Variants in FRAS1 observed in about 807,000 individuals in gnomAD.
The protein encoded by FRAS1 is Fraser extracellular matrix complex subunit 1, also known as extracellular matrix organizing protein FRAS1.
A neutral mutation model predicts 435.2 loss-of-function variants in FRAS1; 290 were observed. The ratio of observed to expected loss-of-function variants is 0.67; its 90% CI spans 0.61 to 0.73. The LOEUF (loss-of-function observed/expected upper bound fraction) is 0.73. Ranked by LOEUF, FRAS1 falls within the 30% of genes least tolerant of loss-of-function variation. The pLI, the probability that FRAS1 is intolerant of heterozygous loss-of-function variation, is 0.00. For missense variants in FRAS1, 4,860 were observed against 5,001.5 expected (o/e 0.97, Z 0.85); for synonymous variants, 1,800 against 1,851.0 (o/e 0.97, Z 0.71).
intron 18 of FRAS1, among the ~76,000 whole-genome samples, chr4:78,331,352 C>T (rs1276597951): frequency 1.3e-5 from 2 of 152,080 alleles, no homozygotes. Context: ...CTGGGAATCT[C>T]CTGGTATGGG....
At chr4:78,181,037 C>A in intron 2 of FRAS1, 1 of 1,583,576 alleles carries the variant, frequency 6.3e-7, no homozygotes, top group South Asian at 1.1e-5. Flanking sequence ...CCAGCTGAGA[C>A]GTTATATCAT....
chr4:78,278,851 A>G (rs1290315237), intron 10 of FRAS1, 107 bp downstream of exon 10: 1 of 713,204 alleles, frequency 1.4e-6, no homozygotes, highest in Non-Finnish European at 2.4e-6. Context: ...TGTTCAACAA[A>G]TGTTATTGTG....
chr4:78,475,747 C>T (rs945743802), intron 54 of FRAS1, 141 bp downstream of exon 54: 1 of 729,758 alleles, frequency 1.4e-6, no homozygotes, highest in African/African-American at 1.7e-5. Context: ...TTCCTATGTT[C>T]CCCTCCCATA....
intron 66 of FRAS1, among the ~76,000 whole-genome samples, chr4:78,518,349 TAA>T (rs1340371783): frequency 6.7e-6 from 1 of 150,204 alleles, no homozygotes. Flanking sequence ...AAGAAAAATA[TAA>T]GTCCCATAGT....
At chr4:78,479,796 A>G (rs930827049) in intron 56 of FRAS1, 78 bp downstream of exon 56, 5 of 1,142,424 alleles carry the variant, frequency 4.4e-6, no homozygotes, top group Non-Finnish European at 4.9e-6. Context: ...TAGGTTTCAG[A>G]ATATCCGGGA....
At chr4:78,092,972 A>C (rs1032980681) in intron 2 of FRAS1, among the ~76,000 whole-genome samples, 1 of 152,328 alleles carries the variant, frequency 6.6e-6, no homozygotes, top group South Asian at 2.1e-4. Context: ...TGATGGTTTG[A>C]GAAGGAAAAA....
chr4:78,448,922 G>T (rs1057270902), intron 44 of FRAS1, among the ~76,000 whole-genome samples: 2 of 152,256 alleles, frequency 1.3e-5, no homozygotes, highest in East Asian at 1.9e-4. Context: ...TTTGCCCAGG[G>T]TGTCTGCATC....
intron 17 of FRAS1, 57 bp downstream of exon 17, chr4:78,317,565 C>T: frequency 6.7e-7 from 1 of 1,500,736 alleles, no homozygotes; most frequent in Non-Finnish European, 9.0e-7. Flanking sequence ...CATAGATTTA[C>T]TTTTTTCCAA....
chr4:78,285,527 G>A (rs921429387), intron 13 of FRAS1, among the ~76,000 whole-genome samples: 1 of 150,924 alleles, frequency 6.6e-6, no homozygotes, highest in Non-Finnish European at 1.5e-5. Context: ...CACCTCCCGG[G>A]TTCAAGCGAT....
intron 2 of FRAS1, among the ~76,000 whole-genome samples, chr4:78,075,698 G>C (rs777170247): frequency 1.3e-5 from 2 of 152,160 alleles, no homozygotes; most frequent in Non-Finnish European, 2.9e-5. Context: ...AGATAAATGA[G>C]TAACATGTGA....
chr4:78,519,179 ATAAG>A (rs139681108), intron 66 of FRAS1, among the ~76,000 whole-genome samples, 148 bp from the exon 67 acceptor site: 21,149 of 152,036 alleles, frequency 0.14, 1,762 homozygotes, highest in Non-Finnish European at 0.2. Context: ...ATTTTTTTAA[ATAAG>A]TAAGTGCAAT....
chr4:78,503,172 A>G (rs1383992928), intron 61 of FRAS1, among the ~76,000 whole-genome samples: 1 of 151,472 alleles, frequency 6.6e-6, no homozygotes, highest in African/African-American at 2.4e-5. Context: ...TGGTCTAAAA[A>G]TCTCTTTTCT....
rs993196314 is a variant in FRAS1, at chr4:78,542,591, A to C, written c.*1467A>C. The C allele has an allele frequency of 6.5e-6, 1 of 152,682 alleles. No individual in the cohort carries two copies. Among genetic ancestry groups the C allele is most frequent in the African/African-American group, 2.4e-5 (1 of 41,482 alleles). 9.5% of individuals were successfully genotyped at this position (152,682 alleles called of 1,614,324 possible). A position where few individuals can be genotyped will look rare whatever the true frequency, so the allele number is the denominator to read the frequency against. On this transcript the variant is annotated 3_prime_UTR_variant, in exon 74 of 74. Coordinates refer to ENST00000512123, the MANE Select transcript of FRAS1 (RefSeq NM_025074.7). ...ACTCAAGCTCTTTGAGAACATTCCA[A>C]ACTAGTAACATTTCGCTACTAAAAG...
At chr4:78,148,338 T>G (rs908098966) in intron 2 of FRAS1, among the ~76,000 whole-genome samples, 1 of 152,154 alleles carries the variant, frequency 6.6e-6, no homozygotes, top group Non-Finnish European at 1.5e-5. Flanking sequence ...TATTAACTAT[T>G]GAAGCTTGAG....
intron 59 of FRAS1, among the ~76,000 whole-genome samples, chr4:78,489,968 C>CAAAAAAAAAAAAAAAAAAAAAAAAAA (rs61568957): frequency 6.5e-5 from 6 of 92,604 alleles, no homozygotes; most frequent in Non-Finnish European, 1.0e-4. Context: ...TAGTGGAAAA[C>CAAAAAAAAAAAAAAAAAAAAAAAAAA]AAAAAAAAAA....
In FRAS1 at chr4:78,488,943, A is replaced by G. The variant is rs530574428; in HGVS notation, c.8821A>G (p.Ile2941Val). The change falls in exon 59 of 74, where the codon ATC becomes GTC. Residue 2941 changes from isoleucine (I) to valine (V), a missense_variant. Ile to Val is a conservative substitution (Grantham distance 29). Coordinates refer to ENST00000512123, the MANE Select transcript of FRAS1 (RefSeq NM_025074.7). Reference sequence around the variant, plus strand: ...GAAGGAGGGTGTCCTGCATGTCCCTATCACTCGGAGCGGAGACCTGAGCTA... The same window carrying G: ...GAAGGAGGGTGTCCTGCATGTCCCTGTCACTCGGAGCGGAGACCTGAGCTA... ...KEKEGVLHVP[I>V]TRSGDLSYES... 3.1e-6 allele frequency: 5 copies of G among 1,613,510 alleles called. No homozygotes were observed. In the African/African-American group the frequency reaches 4.0e-5, roughly 13 times the overall value.
intron 30 of FRAS1, among the ~76,000 whole-genome samples, chr4:78,402,716 C>T (rs1307053098): frequency 6.6e-6 from 1 of 152,246 alleles, no homozygotes; most frequent in South Asian, 2.1e-4. Context: ...CCCACCAATG[C>T]CCTTTCTATG....
intron 15 of FRAS1, among the ~76,000 whole-genome samples, chr4:78,308,928 A>G (rs1039855833): frequency 6.6e-6 from 1 of 152,222 alleles, no homozygotes; most frequent in Non-Finnish European, 1.5e-5. Context: ...TGGAACTGTC[A>G]TGTGTTCCCT....
At chr4:78,338,305 T>C (rs1396541802) in intron 20 of FRAS1, among the ~76,000 whole-genome samples, 1 of 146,218 alleles carries the variant, frequency 6.8e-6, no homozygotes, top group Non-Finnish European at 1.5e-5. Flanking sequence ...AACTCAGATC[T>C]AAAAAAAAAA....
Sources: allele counts gnomAD v4.1 joint callset (sites outside exome capture counted in the v4.1 genomes callset), GRCh38; gene constraint gnomAD v4.1.1; transcripts MANE v1.5; gene names NCBI Gene and HGNC (gene_info 2026-07-23, HGNC 2026-07-21).